The following DNAH9 variants were observed in gnomAD, a reference collection of about 807,000 sequenced individuals.
The protein encoded by DNAH9 is dynein axonemal heavy chain 9.
DNAH9 carries 345 observed loss-of-function variants against 471.6 expected under a neutral mutation model. That is an observed-to-expected ratio of 0.73 (90% CI 0.67 to 0.80). DNAH9 has a LOEUF of 0.80. DNAH9 is among the 30% of genes least tolerant of loss of function. DNAH9 has a pLI of 0.00. For missense variants in DNAH9, 5,407 were observed against 5,609.2 expected, an observed-to-expected ratio of 0.96 and a Z score of 1.15; for synonymous variants, 2,093 against 2,123.6, an observed-to-expected ratio of 0.99 and a Z score of 0.40.
intron 61 of DNAH9, among the ~76,000 whole-genome samples, chr17:11,916,052 C>T (rs1480702566): frequency 2.0e-5 from 3 of 152,214 alleles, no homozygotes; most frequent in South Asian, 2.1e-4. Context: ...TTATTCCTGA[C>T]TTTCACACTT....
intron 1 of DNAH9, 53 bp downstream of exon 1, chr17:11,598,968 GA>G: frequency 1.5e-6 from 2 of 1,297,530 alleles, no homozygotes; most frequent in Non-Finnish European, 1.0e-6. Context: ...GGGAGGGGAG[GA>G]GGAGCCTTAA....
chr17:11,644,768 A>G (rs545055996), intron 11 of DNAH9, 69 bp downstream of exon 11: 2 of 1,095,850 alleles, frequency 1.8e-6, no homozygotes, highest in African/African-American at 3.1e-5. Flanking sequence ...TGCAGCTCCG[A>G]GTTTGTGCAG....
intron 35 of DNAH9, 53 bp from the exon 36 acceptor site, chr17:11,763,387 A>G: frequency 6.5e-7 from 1 of 1,531,438 alleles, no homozygotes; most frequent in Non-Finnish European, 9.0e-7. Flanking sequence ...CAACAGCACC[A>G]CCAGAATGGA....
chr17:11,689,158 C>G (rs2074290168), intron 19 of DNAH9, among the ~76,000 whole-genome samples: 1 of 151,986 alleles, frequency 6.6e-6, no homozygotes, highest in African/African-American at 2.4e-5. Flanking sequence ...CCTGGCAAGG[C>G]CCTTGGCTTT....
chr17:11,909,203 T>C (rs1182769102), intron 61 of DNAH9, among the ~76,000 whole-genome samples: 1 of 152,194 alleles, frequency 6.6e-6, no homozygotes, highest in African/African-American at 2.4e-5. Flanking sequence ...GCCTCACTGA[T>C]TGGAGAGAGA....
In DNAH9 at chr17:11,650,527, A is replaced by G. The variant is rs2073483833; in HGVS notation, c.2098-542A>G. Among the ~76,000 whole-genome samples, 4 of 152,346 alleles carry G rather than the reference A, an allele frequency of 2.6e-5. No homozygotes were observed. In the South Asian group the frequency reaches 8.3e-4, roughly 32 times the overall value. ...CACAAGGAAATGCCAGCAGAGAGTT[A>G]CAGAAGTTGTGGGATATTCCAAATG... On this transcript the variant is annotated intron_variant, in intron 12 of 68. Coordinates refer to ENST00000262442, the MANE Select transcript of DNAH9 (RefSeq NM_001372.4).
chr17:11,728,443 A>G (rs1364485717), intron 28 of DNAH9, among the ~76,000 whole-genome samples: 2 of 151,780 alleles, frequency 1.3e-5, no homozygotes, highest in East Asian at 3.9e-4. Context: ...TCCAGAAAGC[A>G]TTTATTAAAC....
intron 35 of DNAH9, among the ~76,000 whole-genome samples, chr17:11,761,974 A>G (rs1220807558): frequency 6.6e-6 from 1 of 152,104 alleles, no homozygotes; most frequent in Non-Finnish European, 1.5e-5. Flanking sequence ...ATGGAAGGGC[A>G]GTTGGCACCT....
chr17:11,620,016 G>T (rs1028820883), intron 6 of DNAH9: 4 of 514,504 alleles, frequency 7.8e-6, no homozygotes, highest in African/African-American at 3.8e-5. Flanking sequence ...TTTAAAACCA[G>T]CCGGGCCAAC....
intron 50 of DNAH9, among the ~76,000 whole-genome samples, chr17:11,857,233 G>A (rs1036732026): frequency 5.3e-5 from 8 of 152,146 alleles, no homozygotes; most frequent in Non-Finnish European, 8.8e-5. Context: ...CTCAACCTGC[G>A]AAAGCAATAA....
At chr17:11,835,120 C>T (rs1426841151) in intron 49 of DNAH9, among the ~76,000 whole-genome samples, 1 of 152,198 alleles carries the variant, frequency 6.6e-6, no homozygotes, top group African/African-American at 2.4e-5. Flanking sequence ...TAGAACCAGA[C>T]AGAACATGAA....
chr17:11,763,638 C>T, intron 36 of DNAH9, 24 bp downstream of exon 36: 1 of 1,608,630 alleles, frequency 6.2e-7, no homozygotes, highest in Non-Finnish European at 8.5e-7. Flanking sequence ...TTGAGCTCAA[C>T]AACCACACTG....
intron 67 of DNAH9, among the ~76,000 whole-genome samples, chr17:11,961,064 C>T (rs370221785): frequency 2.0e-4 from 31 of 152,250 alleles, no homozygotes; most frequent in African/African-American, 7.0e-4. Context: ...CCTGTAATCC[C>T]AGCACTTTGG....
intron 19 of DNAH9, among the ~76,000 whole-genome samples, chr17:11,686,465 A>G (rs1567717863): frequency 1.3e-5 from 2 of 152,112 alleles, no homozygotes; most frequent in Non-Finnish European, 2.9e-5. Flanking sequence ...CCCAGAGTTT[A>G]GAGGATGGCT....
Position 11,923,945 on chromosome 17 carries a change from T to TGAA in DNAH9, c.11877+5_11877+6insAAG. 3 of 1,613,672 alleles carry TGAA rather than the reference T, an allele frequency of 1.9e-6. No individual in the cohort carries two copies. The South Asian group carries it at 3.3e-5, about 18-fold the overall frequency. Reference sequence around the variant, plus strand: ...AGGTCACTGGGTTATTTTGCAGGTATGTTCCTCTACCCTTGTCTGGGTTAT... The same window carrying TGAA: ...AGGTCACTGGGTTATTTTGCAGGTATGAAGTTCCTCTACCCTTGTCTGGGTTAT... On this transcript the variant is annotated splice_donor_region_variant and intron_variant, in intron 62 of 68. Coordinates refer to ENST00000262442, the MANE Select transcript of DNAH9 (RefSeq NM_001372.4).
intron 17 of DNAH9, among the ~76,000 whole-genome samples, chr17:11,671,009 G>A (rs1373042892): frequency 6.6e-6 from 1 of 152,158 alleles, no homozygotes; most frequent in Non-Finnish European, 1.5e-5. Flanking sequence ...GACTGGGGAT[G>A]TTTTAAATAG....
At chr17:11,864,031 C>A (rs913903682) in intron 50 of DNAH9, among the ~76,000 whole-genome samples, 65 of 151,184 alleles carry the variant, frequency 4.3e-4, no homozygotes, top group Non-Finnish European at 3.8e-4. Flanking sequence ...TTCAGTTCTG[C>A]TCTGATTTTA....
At position 11,640,355 on chromosome 17, in the gene DNAH9, T is replaced by C. The variant is rs2073248029; in HGVS notation, c.1872T>C (p.Pro624=). The change falls in exon 10 of 69, where the codon CCT becomes CCC. Residue 624 remains proline, a synonymous_variant. Coordinates refer to ENST00000262442, the MANE Select transcript of DNAH9 (RefSeq NM_001372.4). ...AQELRQRIQG[P]FSNFGRITHP... ...AGCTGAGGCAGCGCATCCAGGGTCCTTTCAGCAACTTTGGACGCATCACAC... is the reference window on the plus strand; with the variant it reads ...AGCTGAGGCAGCGCATCCAGGGTCCCTTCAGCAACTTTGGACGCATCACAC... 1.2e-6 allele frequency: 2 copies of C among 1,613,624 alleles called. No homozygotes were observed. The highest frequency in any genetic ancestry group is 4.5e-5 in the East Asian group (2 of 44,884).
rs535994541 is a variant in DNAH9, at chr17:11,824,662, A to G, written c.9246+1628A>G. Among the ~76,000 whole-genome samples the G allele has an allele frequency of 6.6e-5, 10 of 152,326 alleles. No homozygotes were observed. In the East Asian group the frequency reaches 7.7e-4, roughly 12 times the overall value. On this transcript the variant is annotated intron_variant, in intron 48 of 68. Transcript: ENST00000262442. Reference sequence around the variant, plus strand: ...TGCTTCTTCTTCTTAGGCTTGCAATAAAGACTTTAATTATGCCATTGAATT... The same window carrying G: ...TGCTTCTTCTTCTTAGGCTTGCAATGAAGACTTTAATTATGCCATTGAATT...
Sources: gnomAD v4.1 joint callset for allele counts (sites outside exome capture counted in the v4.1 genomes callset) on GRCh38, gnomAD v4.1.1 for gene constraint, MANE v1.5 for transcripts, NCBI Gene and HGNC (gene_info 2026-07-23, HGNC 2026-07-21) for gene names.